The following ABAT variants were observed in gnomAD, a reference collection of about 807,000 sequenced individuals.
The protein encoded by ABAT is 4-aminobutyrate aminotransferase, also known as 4-aminobutyrate aminotransferase, mitochondrial.
In ABAT, 45 loss-of-function variants were observed where a neutral mutation model predicts 64.6. The observed-to-expected ratio is 0.70, with a 90% confidence interval of 0.55 to 0.89. The LOEUF is 0.89. ABAT is among the 40% of genes least tolerant of loss of function. The pLI is 0.00. For synonymous variants in ABAT, 297 were observed against 250.5 expected (o/e 1.19, Z -1.75); for missense variants, 633 against 658.4 (o/e 0.96, Z 0.42).
At chr16:8,719,635 T>C (rs1396541705) in intron 1 of ABAT, among the ~76,000 whole-genome samples, 1 of 152,166 alleles carries the variant, frequency 6.6e-6, no homozygotes, top group Non-Finnish European at 1.5e-5. Context: ...CCACCGCATG[T>C]GCCAATAGTC....
intron 11 of ABAT, among the ~76,000 whole-genome samples, chr16:8,769,582 G>GAC (rs2060045548): frequency 6.8e-6 from 1 of 147,546 alleles, no homozygotes; most frequent in Admixed American, 6.8e-5. Context: ...AAAAAAAAGA[G>GAC]AGAGAGAGAA....
chr16:8,734,652 A>G (rs1049588988), intron 1 of ABAT, among the ~76,000 whole-genome samples: 5 of 152,232 alleles, frequency 3.3e-5, no homozygotes, highest in African/African-American at 1.2e-4. Context: ...GACTCGGGAA[A>G]CAGGGTCCAT....
At chr16:8,769,956 G>A (rs2060056301) in intron 11 of ABAT, among the ~76,000 whole-genome samples, 1 of 152,138 alleles carries the variant, frequency 6.6e-6, no homozygotes, top group South Asian at 2.1e-4. Context: ...TGTCAAGCAA[G>A]GTGCTAGGTG....
At chr16:8,677,787 G>A (rs1396018355) in intron 1 of ABAT, among the ~76,000 whole-genome samples, 4 of 152,160 alleles carry the variant, frequency 2.6e-5, no homozygotes, top group African/African-American at 9.7e-5. Flanking sequence ...CTTAAACATA[G>A]TTGATACTTA....
chr16:8,750,299 G>T, intron 4 of ABAT, 123 bp from the exon 5 acceptor site: 1 of 878,860 alleles, frequency 1.1e-6, no homozygotes, highest in African/African-American at 1.6e-5. Context: ...GGCACCCACA[G>T]ATGCCTCTGT....
chr16:8,753,117 G>A (rs1439628952), intron 5 of ABAT, among the ~76,000 whole-genome samples: 4 of 144,910 alleles, frequency 2.8e-5, no homozygotes, highest in Non-Finnish European at 4.5e-5. Context: ...TTTTTTAGAC[G>A]GAGTCTTGCT....
intron 11 of ABAT, among the ~76,000 whole-genome samples, chr16:8,772,388 C>T (rs1477925727): frequency 1.3e-5 from 2 of 151,612 alleles, no homozygotes; most frequent in African/African-American, 4.8e-5. Context: ...GTGCATGTTC[C>T]ATGTAAAACA....
intron 1 of ABAT, among the ~76,000 whole-genome samples, chr16:8,723,641 C>A (rs1226084693): frequency 6.6e-6 from 1 of 151,774 alleles, no homozygotes; most frequent in African/African-American, 2.4e-5. Context: ...CTATGATTGT[C>A]CAGGATGTGT....
In ABAT at chr16:8,733,677, C is replaced by G. The variant is rs1292222493; in HGVS notation, c.-41-2022C>G. Among the ~76,000 whole-genome samples, 4 of 151,830 alleles carry G rather than the reference C, an allele frequency of 2.6e-5. 1 individual carries two copies. Among genetic ancestry groups the G allele is most frequent in the African/African-American group, 4.9e-5 (2 of 41,078 alleles). On this transcript the variant is annotated intron_variant, in intron 1 of 15. Transcript: ENST00000268251. ...AAACCCCGTCTCCACCAAAACCAGT[C>G]AGGCGTGGCGGCGTGAGGCTGCAAT... is the stretch of plus-strand genomic sequence containing the variant.
rs543966892 is a variant in ABAT, at chr16:8,756,796, T to C, written c.317-961T>C. 8.0e-4 allele frequency among the ~76,000 whole-genome samples: 122 copies of C among 152,364 alleles called. 3 individuals carry two copies. In the South Asian group the frequency reaches 0.024, roughly 30 times the overall value. On this transcript the variant is annotated intron_variant, in intron 5 of 15. Coordinates refer to ENST00000268251, the MANE Select transcript of ABAT (RefSeq NM_020686.6). ...TAGGTTGCTTTCAAGTCTTGAGATA[T>C]GAGAGTGTCACAATTAAGATCCATG... is the stretch of plus-strand genomic sequence containing the variant.
chr16:8,725,375 A>T (rs1195597886), intron 1 of ABAT, among the ~76,000 whole-genome samples: 1 of 151,974 alleles, frequency 6.6e-6, no homozygotes, highest in Non-Finnish European at 1.5e-5. Flanking sequence ...GTCATCTCTC[A>T]TTCCTCCCAG....
Position 8,764,785 on chromosome 16 carries a change from C to T in ABAT, c.495C>T (p.Ser165=). ...AGCTCATCACCATGGCCTGCGGCTC[C>T]TGCTCCAATGAAAACGCCTTAAAGA... ...MSQLITMACG[S]CSNENALKTI... The change falls in exon 8 of 16, where the codon TCC becomes TCT. Residue 165 remains serine (S), a synonymous_variant. Transcript: ENST00000268251. This position sits in a 1 kb window ranked among gnomAD's most constrained non-coding sequence, Gnocchi z 4.2. 4.3e-6 allele frequency: 7 copies of T among 1,614,176 alleles called. No individual in the cohort carries two copies. Among genetic ancestry groups the T allele is most frequent in the Non-Finnish European group, 5.9e-6 (7 of 1,180,032 alleles).
chr16:8,709,994 A>G (rs2058033696), intron 1 of ABAT, among the ~76,000 whole-genome samples: 1 of 151,724 alleles, frequency 6.6e-6, no homozygotes, highest in Non-Finnish European at 1.5e-5. Flanking sequence ...GTATTTTTTT[A>G]TACAGACCTG....
chr16:8,728,555 GAA>G (rs66482875), intron 1 of ABAT, among the ~76,000 whole-genome samples: 5 of 151,658 alleles, frequency 3.3e-5, no homozygotes, highest in African/African-American at 4.9e-5. Flanking sequence ...TCCTGGAATA[GAA>G]AAAAAAAATC....
At chr16:8,723,677 G>A (rs941388785) in intron 1 of ABAT, among the ~76,000 whole-genome samples, 13 of 151,560 alleles carry the variant, frequency 8.6e-5, no homozygotes, top group Admixed American at 2.6e-4. Flanking sequence ...AATTCCCAGC[G>A]CAACCCTGCA....
In ABAT at chr16:8,781,574, G is replaced by A. The variant is rs2060440891; in HGVS notation, c.*144G>A. The A allele has an allele frequency of 2.7e-6, 3 of 1,117,402 alleles. No individual in the cohort carries two copies. The highest frequency in any genetic ancestry group is 3.9e-6 in the Non-Finnish European group (3 of 762,538). The allele number at this position is 1,117,402 out of a possible 1,614,324, so 69.2% of individuals were successfully genotyped here. A position where few individuals can be genotyped will look rare whatever the true frequency, so the allele number is the denominator to read the frequency against. Reference sequence around the variant, plus strand: ...TTTGTGGGGAGGGAGCATTTTTGGTGGTCTTGGGGGAGGGGAGGGGAGGGA... The same window carrying A: ...TTTGTGGGGAGGGAGCATTTTTGGTAGTCTTGGGGGAGGGGAGGGGAGGGA... On this transcript the variant is annotated 3_prime_UTR_variant, in exon 16 of 16. Transcript: ENST00000268251. The surrounding 1 kb of genome is among the most constrained non-coding windows in gnomAD (Gnocchi z 4.5).
chr16:8,703,991 C>T (rs751696776), intron 1 of ABAT, among the ~76,000 whole-genome samples: 1 of 152,222 alleles, frequency 6.6e-6, no homozygotes, highest in Non-Finnish European at 1.5e-5. Flanking sequence ...GAGCACAGAG[C>T]CTCAAGAGCA....
intron 5 of ABAT, chr16:8,757,256 C>A: frequency 2.3e-6 from 1 of 435,064 alleles, no homozygotes; most frequent in Non-Finnish European, 4.5e-6. Flanking sequence ...CAACCTCCGC[C>A]TCTTGTGTTC....
chr16:8,756,437 A>T (rs1463667638), intron 5 of ABAT, among the ~76,000 whole-genome samples: 1 of 152,102 alleles, frequency 6.6e-6, no homozygotes, highest in Admixed American at 6.5e-5. Context: ...AAAGGGATAC[A>T]TGTGTAGAAC....
Sources: gnomAD v4.1 joint callset for allele counts (sites outside exome capture counted in the v4.1 genomes callset) on GRCh38, gnomAD v4.1.1 for gene constraint, Gnocchi (gnomAD v3.1) non-coding constraint, MANE v1.5 for transcripts, NCBI Gene and HGNC (gene_info 2026-07-23, HGNC 2026-07-21) for gene names.